NPAS2: variants seen among roughly 807,000 people sequenced by gnomAD.
NPAS2 encodes neuronal PAS domain protein 2.
A neutral mutation model predicts 107.5 loss-of-function variants in NPAS2; 23 were observed. The ratio of observed to expected loss-of-function variants is 0.21; its 90% CI spans 0.15 to 0.30. The LOEUF is 0.30. Among genes scored for constraint, NPAS2 ranks in the 10% least tolerant of loss-of-function variants. NPAS2 has a pLI of 1.00. For synonymous variants in NPAS2, 403 were observed against 417.5 expected (o/e 0.97, Z 0.42); for missense variants, 756 against 1,043.3 (o/e 0.72, Z 3.79).
chr2:100,936,940 C>A (rs1426426752), intron 4 of NPAS2, among the ~76,000 whole-genome samples: 1 of 148,354 alleles, frequency 6.7e-6, no homozygotes, highest in Admixed American at 6.8e-5. Context: ...CGAGATCATG[C>A]CACTGCACTC....
intron 4 of NPAS2, among the ~76,000 whole-genome samples, chr2:100,935,457 T>C (rs965497264): frequency 1.4e-4 from 21 of 152,352 alleles, no homozygotes; most frequent in South Asian, 2.1e-4. Flanking sequence ...TGCAATCACT[T>C]GCTGTTGAAT....
intron 7 of NPAS2, among the ~76,000 whole-genome samples, chr2:100,958,464 C>CT (rs1209347536): frequency 5.3e-5 from 8 of 152,180 alleles, no homozygotes; most frequent in Non-Finnish European, 1.2e-4. Context: ...ACTCCGGACT[C>CT]TAAGAGTGGG....
chr2:100,966,793 C>T (rs979326821), intron 10 of NPAS2, among the ~76,000 whole-genome samples: 1 of 151,964 alleles, frequency 6.6e-6, no homozygotes, highest in Non-Finnish European at 1.5e-5. Flanking sequence ...GACAGGGTTT[C>T]ACCATGTTGG....
chr2:100,883,424 C>G (rs1490207617), intron 1 of NPAS2, among the ~76,000 whole-genome samples: 1 of 152,184 alleles, frequency 6.6e-6, no homozygotes, highest in East Asian at 1.9e-4. Context: ...GACCTGCTGA[C>G]TCATTTGCAG....
intron 19 of NPAS2, among the ~76,000 whole-genome samples, 175 bp downstream of exon 19, chr2:100,991,047 C>T (rs1439939445): frequency 6.6e-6 from 1 of 152,186 alleles, no homozygotes; most frequent in African/African-American, 2.4e-5. Flanking sequence ...TCTACCGTGT[C>T]CCAATTAAGC....
chr2:100,956,774 C>T (rs551227655), intron 7 of NPAS2, among the ~76,000 whole-genome samples: 205 of 152,290 alleles, frequency 1.3e-3, no homozygotes, highest in African/African-American at 4.5e-3. Context: ...AGCACACAGA[C>T]GAGGATCCCA....
At chr2:100,830,653 C>T (rs922942966) in intron 1 of NPAS2, among the ~76,000 whole-genome samples, 4 of 152,148 alleles carry the variant, frequency 2.6e-5, no homozygotes, top group African/African-American at 4.8e-5. Context: ...CATGGTTCTC[C>T]GACATGGGCT....
intron 7 of NPAS2, among the ~76,000 whole-genome samples, chr2:100,950,221 C>T (rs1675141335): frequency 2.0e-5 from 3 of 152,136 alleles, no homozygotes; most frequent in Admixed American, 2.0e-4. Context: ...TTCTGGGCTC[C>T]TCCAAACTCA....
At chr2:100,934,934 CAGAGCCCAGG>C (rs1321839535) in intron 4 of NPAS2, 2 of 985,396 alleles carry the variant, frequency 2.0e-6, no homozygotes, top group Admixed American at 1.2e-4. Context: ...AAAATGAGGA[CAGAGCCCAGG>C]AGATAACCCA....
chr2:100,992,058 G>A (rs1051769495), intron 19 of NPAS2, among the ~76,000 whole-genome samples: 2 of 152,230 alleles, frequency 1.3e-5, no homozygotes, highest in Non-Finnish European at 2.9e-5. Flanking sequence ...TCTATCATTA[G>A]GTGGGAGGAA....
At chr2:100,955,644 A>T (rs1421156003) in intron 7 of NPAS2, among the ~76,000 whole-genome samples, 1 of 131,532 alleles carries the variant, frequency 7.6e-6, no homozygotes, top group Non-Finnish European at 1.7e-5. Context: ...GGTAAACTGG[A>T]TTGTGTCACT....
At chr2:100,993,635 TC>T in intron 20 of NPAS2, 108 bp downstream of exon 20, 3 of 883,504 alleles carry the variant, frequency 3.4e-6, no homozygotes, top group Non-Finnish European at 4.9e-6. Context: ...GGTTGTTCTA[TC>T]CCTAGTATAG....
At chr2:100,894,698 G>GA (rs377646358) in intron 1 of NPAS2, among the ~76,000 whole-genome samples, 6 of 149,460 alleles carry the variant, frequency 4.0e-5, no homozygotes, top group East Asian at 2.0e-4. Context: ...AGAGCAACAT[G>GA]AAAAAAAAAA....
chr2:100,971,983 C>T (rs1380952319), intron 12 of NPAS2, among the ~76,000 whole-genome samples: 2 of 150,236 alleles, frequency 1.3e-5, no homozygotes, highest in South Asian at 2.1e-4. Context: ...ACTTTGTTGC[C>T]CCAGCTGGAG....
At chr2:100,967,910 A>G (rs1558921062) in intron 10 of NPAS2, among the ~76,000 whole-genome samples, 1 of 152,130 alleles carries the variant, frequency 6.6e-6, no homozygotes, top group African/African-American at 2.4e-5. Flanking sequence ...CCAATTCTGG[A>G]TGCTCTCTCC....
intron 1 of NPAS2, among the ~76,000 whole-genome samples, chr2:100,861,377 G>T (rs1278037300): frequency 2.0e-5 from 3 of 152,196 alleles, no homozygotes; most frequent in Non-Finnish European, 2.9e-5. Context: ...TGCAGACAGA[G>T]AATGGGATGG....
rs373757552 is a variant in NPAS2, at chr2:100,933,206, G to GT, written c.273+209dup. Reference sequence around the variant, plus strand: ...ATCCCAAAATTGAATGTGGTCACGTGTTTTCACTACAGTGACCACAGGATG... The same window carrying GT: ...ATCCCAAAATTGAATGTGGTCACGTGTTTTTCACTACAGTGACCACAGGATG... On this transcript the variant is annotated intron_variant, in intron 4 of 20. Transcript: ENST00000335681. 5.3e-3 allele frequency among the ~76,000 whole-genome samples: 810 copies of GT among 152,202 alleles called. 12 individuals carry two copies. The highest frequency in any genetic ancestry group is 0.017 in the African/African-American group (690 of 41,538).
chr2:100,920,922 C>G (rs1278919462), intron 2 of NPAS2, among the ~76,000 whole-genome samples: 1 of 152,232 alleles, frequency 6.6e-6, no homozygotes, highest in Non-Finnish European at 1.5e-5. Flanking sequence ...GGAGCTGAAG[C>G]GAAGGTCGCA....
chr2:100,950,316 A>T (rs1206168645), intron 7 of NPAS2, among the ~76,000 whole-genome samples: 2 of 152,236 alleles, frequency 1.3e-5, no homozygotes, highest in Non-Finnish European at 2.9e-5. Flanking sequence ...TTGACAGGGA[A>T]TGGGGGAAAA....
Sources: gnomAD v4.1 joint callset for allele counts (sites outside exome capture counted in the v4.1 genomes callset) on GRCh38, gnomAD v4.1.1 for gene constraint, MANE v1.5 for transcripts, NCBI Gene and HGNC (gene_info 2026-07-23, HGNC 2026-07-21) for gene names.